The following TNKS variants were observed in gnomAD, a reference collection of about 807,000 sequenced individuals.
TNKS encodes the protein tankyrase.
TNKS carries 72 observed loss-of-function variants against 135.8 expected under a neutral mutation model. The ratio of observed to expected loss-of-function variants is 0.53; its 90% CI spans 0.44 to 0.64. The LOEUF is 0.64. Ranked by LOEUF, TNKS falls within the 30% of genes least tolerant of loss-of-function variation. The pLI is 0.00. For synonymous variants in TNKS, 849 were observed against 649.3 expected (o/e 1.31, Z -4.68); for missense variants, 1,769 against 1,674.0 (o/e 1.06, Z -0.99).
intron 3 of TNKS, among the ~76,000 whole-genome samples, chr8:9,625,306 C>G (rs1267357366): frequency 6.6e-6 from 1 of 151,652 alleles, no homozygotes; most frequent in East Asian, 1.9e-4. Context: ...TGTGTTTTCT[C>G]CTTTTCTTTG....
chr8:9,696,160 T>G (rs1803506295), intron 5 of TNKS, among the ~76,000 whole-genome samples: 1 of 152,150 alleles, frequency 6.6e-6, no homozygotes, highest in Non-Finnish European at 1.5e-5. Context: ...CAAGACTGCA[T>G]GAGCTCACCA....
At chr8:9,748,800 T>G (rs938243972) in intron 18 of TNKS, among the ~76,000 whole-genome samples, 6 of 152,198 alleles carry the variant, frequency 3.9e-5, no homozygotes, top group Non-Finnish European at 5.9e-5. Context: ...TAATAATGAC[T>G]TATTATTTCT....
intron 5 of TNKS, among the ~76,000 whole-genome samples, chr8:9,685,065 T>A (rs746745390): frequency 6.6e-6 from 1 of 152,156 alleles, no homozygotes; most frequent in Non-Finnish European, 1.5e-5. Context: ...TTCAGAAAAC[T>A]TAAGGATTTC....
chr8:9,580,494 G>C, intron 2 of TNKS, 111 bp downstream of exon 2: 6 of 894,224 alleles, frequency 6.7e-6, no homozygotes, highest in Non-Finnish European at 1.0e-5. Context: ...ATTGCTTCTT[G>C]TAGAAGCAGT....
chr8:9,717,101 A>ATATATATATATATATTTTTTTTTTTT (rs1454492300), intron 11 of TNKS, among the ~76,000 whole-genome samples: 3 of 119,334 alleles, frequency 2.5e-5, no homozygotes, highest in African/African-American at 8.7e-5. Flanking sequence ...ATATATATAT[A>ATATATATATATATATTTTTTTTTTTT]TTTTCAGGGA....
intron 3 of TNKS, among the ~76,000 whole-genome samples, chr8:9,678,385 A>G (rs535094254): frequency 2.0e-5 from 3 of 152,322 alleles, no homozygotes; most frequent in South Asian, 2.1e-4. Context: ...GATGGAGGAT[A>G]TAATGAAATG....
intron 6 of TNKS, among the ~76,000 whole-genome samples, chr8:9,705,199 A>C (rs569734683): frequency 1.3e-5 from 2 of 152,314 alleles, no homozygotes; most frequent in East Asian, 3.9e-4. Flanking sequence ...AAACTGAGAA[A>C]ACCTAGAAGG....
chr8:9,765,315 T>A (rs1052000241), intron 23 of TNKS, among the ~76,000 whole-genome samples: 6 of 152,176 alleles, frequency 3.9e-5, no homozygotes, highest in African/African-American at 1.4e-4. Flanking sequence ...CTGTAAAAGT[T>A]ATACTGGTAC....
Position 9,717,071 on chromosome 8 carries a change from TAATATATATATATA to T in TNKS, c.1750-3302_1750-3289del, listed in dbSNP as rs773783938. ...CCACCAAAGATAATCTGTTGTATTATAATATATATATATATATATATATATATATATTTTCAGGG... is the reference window on the plus strand; with the variant it reads ...CCACCAAAGATAATCTGTTGTATTATTATATATATATATATATTTTCAGGG... On this transcript the variant is annotated intron_variant, in intron 11 of 26. Transcript: ENST00000310430. 0.024 allele frequency among the ~76,000 whole-genome samples: 335 copies of T among 13,770 alleles called. 31 individuals are homozygous for T. In the Middle Eastern group the frequency reaches 0.31, roughly 13 times the overall value. 9.0% of individuals were successfully genotyped at this position (13,770 alleles called of 152,430 possible). A position where few individuals can be genotyped will look rare whatever the true frequency, so the allele number is the denominator to read the frequency against.
chr8:9,774,529 T>G (rs1037335185), intron 26 of TNKS, among the ~76,000 whole-genome samples: 2 of 152,206 alleles, frequency 1.3e-5, no homozygotes, highest in Non-Finnish European at 2.9e-5. Flanking sequence ...CCAGCATGGA[T>G]TTAAAGTGAC....
chr8:9,765,048 C>G (rs936112841), intron 23 of TNKS, among the ~76,000 whole-genome samples: 1 of 152,182 alleles, frequency 6.6e-6, no homozygotes, highest in African/African-American at 2.4e-5. Context: ...GTGATACTTA[C>G]GTGGATATTG....
At chr8:9,598,765 G>GTGTGTA (rs1449352201) in intron 2 of TNKS, among the ~76,000 whole-genome samples, 3 of 49,626 alleles carry the variant, frequency 6.0e-5, no homozygotes, top group Non-Finnish European at 1.1e-4. Flanking sequence ...ATGTGTGTGT[G>GTGTGTA]TATATATATA....
chr8:9,590,670 G>C (rs1027827168), intron 2 of TNKS, among the ~76,000 whole-genome samples: 1 of 152,160 alleles, frequency 6.6e-6, no homozygotes, highest in Non-Finnish European at 1.5e-5. Flanking sequence ...GATAAGTAAT[G>C]ATGTTGAGCA....
At chr8:9,698,253 C>A (rs1465069987) in intron 5 of TNKS, among the ~76,000 whole-genome samples, 1 of 151,538 alleles carries the variant, frequency 6.6e-6, no homozygotes, top group African/African-American at 2.4e-5. Context: ...ACTACTAGAG[C>A]GGGCAGCACA....
intron 1 of TNKS, chr8:9,557,370 T>A (rs547314468): frequency 1.3e-4 from 20 of 151,556 alleles, no homozygotes; most frequent in African/African-American, 4.8e-4. Flanking sequence ...AAAGTGTGAA[T>A]TTCTTAAGCT....
chr8:9,750,519 T>C (rs920463074), intron 18 of TNKS, among the ~76,000 whole-genome samples: 1 of 152,184 alleles, frequency 6.6e-6, no homozygotes, highest in Non-Finnish European at 1.5e-5. Context: ...TGTGGCAGCG[T>C]TGCCAAACTT....
intron 1 of TNKS, among the ~76,000 whole-genome samples, chr8:9,571,679 G>A (rs1402915869): frequency 1.3e-5 from 2 of 152,032 alleles, no homozygotes; most frequent in Non-Finnish European, 2.9e-5. Flanking sequence ...GGATGTTCTC[G>A]ATCTCCTGAC....
intron 3 of TNKS, among the ~76,000 whole-genome samples, chr8:9,645,046 A>G (rs1233285082): frequency 6.6e-6 from 1 of 152,156 alleles, no homozygotes; most frequent in East Asian, 1.9e-4. Flanking sequence ...TCACCATTTT[A>G]TTACACAAAG....
At chr8:9,725,496 C>A (rs76333288) in intron 12 of TNKS, among the ~76,000 whole-genome samples, 8,264 of 152,256 alleles carry the variant, frequency 0.054, 337 homozygotes, top group Non-Finnish European at 0.082. Context: ...AAGCCACTCT[C>A]TCCTGAAATC....
Sources: allele counts gnomAD v4.1 joint callset (sites outside exome capture counted in the v4.1 genomes callset), GRCh38; gene constraint gnomAD v4.1.1; transcripts MANE v1.5; gene names NCBI Gene and HGNC (gene_info 2026-07-23, HGNC 2026-07-21).